Variants in CSMD1 observed in about 807,000 individuals in gnomAD.
CSMD1 encodes CUB and sushi domain-containing protein 1.
Under a neutral mutation model 417.5 loss-of-function variants are expected in CSMD1, and 213 were observed. The ratio of observed to expected loss-of-function variants is 0.51; its 90% CI spans 0.46 to 0.57. The LOEUF (loss-of-function observed/expected upper bound fraction) is 0.57. Among genes scored for constraint, CSMD1 ranks in the 20% least tolerant of loss-of-function variants. The probability of loss-of-function intolerance (pLI) is 0.00; values close to 1 mark genes in which losing one functional copy is unlikely to be tolerated. For synonymous variants in CSMD1, 2,862 were observed against 1,736.8 expected, an observed-to-expected ratio of 1.65 and a Z score of -16.11; for missense variants, 6,923 against 4,529.7, an observed-to-expected ratio of 1.53 and a Z score of -15.17.
chr8:4,569,990 T>C (rs751699731), intron 2 of CSMD1, among the ~76,000 whole-genome samples: 1 of 152,212 alleles, frequency 6.6e-6, no homozygotes, highest in Non-Finnish European at 1.5e-5. Flanking sequence ...ATTGATTTTG[T>C]ATCCTGAGAC....
At chr8:3,401,723 A>T (rs1243535981) in intron 15 of CSMD1, among the ~76,000 whole-genome samples, 1 of 151,696 alleles carries the variant, frequency 6.6e-6, no homozygotes. Flanking sequence ...TAGGAAAGCA[A>T]TCAAAGACGC....
intron 1 of CSMD1, among the ~76,000 whole-genome samples, chr8:4,942,671 C>T (rs1808088978): frequency 6.6e-6 from 1 of 152,180 alleles, no homozygotes; most frequent in African/African-American, 2.4e-5. Flanking sequence ...ATGTGAGTCA[C>T]CGCATATCAC....
chr8:4,013,598 G>C (rs1479299489), intron 4 of CSMD1, among the ~76,000 whole-genome samples: 1 of 152,110 alleles, frequency 6.6e-6, no homozygotes, highest in African/African-American at 2.4e-5. Context: ...GGACAGCAAA[G>C]TTTATCTGTT....
intron 18 of CSMD1, chr8:3,375,082 G>C: frequency 6.6e-6 from 1 of 152,130 alleles, no homozygotes; most frequent in Non-Finnish European, 1.5e-5. Flanking sequence ...TCACCTCCAC[G>C]GTGCCCAACT....
At chr8:3,945,656 A>G (rs1811176615) in intron 5 of CSMD1, among the ~76,000 whole-genome samples, 1 of 152,106 alleles carries the variant, frequency 6.6e-6, no homozygotes, top group African/African-American at 2.4e-5. Context: ...CTGATGTATT[A>G]TTTTACTTAG....
At chr8:4,653,373 A>C (rs1279672064) in intron 1 of CSMD1, among the ~76,000 whole-genome samples, 1 of 152,102 alleles carries the variant, frequency 6.6e-6, no homozygotes, top group Admixed American at 6.5e-5. Context: ...GTGCTGCAGT[A>C]GAAACATTTT....
At chr8:4,698,516 G>T (rs1563165891) in intron 1 of CSMD1, among the ~76,000 whole-genome samples, 1 of 151,958 alleles carries the variant, frequency 6.6e-6, no homozygotes, top group Non-Finnish European at 1.5e-5. Context: ...TAGGCCTAAA[G>T]AAGTCCACCT....
In CSMD1 at chr8:4,140,859, G is replaced by A. The variant is rs904951299; in HGVS notation, c.416-108760C>T. Among the ~76,000 whole-genome samples the A allele has an allele frequency of 4.0e-5, 6 of 150,972 alleles. 1 individual carries two copies. Among genetic ancestry groups the A allele is most frequent in the African/African-American group, 1.5e-4 (6 of 40,318 alleles). On this transcript the variant is annotated intron_variant, in intron 3 of 69. Transcript: ENST00000635120. Reference sequence around the variant, plus strand: ...GGTTTCAAATCAAATCTCTGCCCAAGAGGGCATTTGGGAGATTGCTGATCG... The same window carrying A: ...GGTTTCAAATCAAATCTCTGCCCAAAAGGGCATTTGGGAGATTGCTGATCG...
At position 3,184,311 on chromosome 8, in the gene CSMD1, AC is replaced by A. The variant is rs1821613407; in HGVS notation, c.5621-3098del. On this transcript the variant is annotated intron_variant, in intron 36 of 69. Coordinates refer to ENST00000635120, the MANE Select transcript of CSMD1 (RefSeq NM_033225.6). ...CATGAGTTTATCAGCCAGATAAACT[AC>A]TAACTCATTTTCCAAACATACTAGT... Among the ~76,000 whole-genome samples, 2 of 152,222 alleles carry A rather than the reference AC, an allele frequency of 1.3e-5. 1 individual carries two copies. The highest frequency in any genetic ancestry group is 2.9e-5 in the Non-Finnish European group (2 of 68,034).
At chr8:3,974,420 C>A (rs912028152) in intron 5 of CSMD1, among the ~76,000 whole-genome samples, 9 of 151,656 alleles carry the variant, frequency 5.9e-5, no homozygotes, top group Non-Finnish European at 8.8e-5. Context: ...TCACTTCGAC[C>A]AGGATATTCA....
chr8:3,764,166 C>T (rs1284002366), intron 5 of CSMD1, among the ~76,000 whole-genome samples: 1 of 152,112 alleles, frequency 6.6e-6, no homozygotes, highest in African/African-American at 2.4e-5. Context: ...TCCAGGGACC[C>T]CTCCTCCATT....
chr8:3,521,590 C>T (rs1180075350), intron 10 of CSMD1, among the ~76,000 whole-genome samples: 1 of 152,106 alleles, frequency 6.6e-6, no homozygotes, highest in East Asian at 1.9e-4. Flanking sequence ...CATCATTGCT[C>T]CTTCTTGGTG....
At chr8:3,568,514 A>G (rs1050204736) in intron 10 of CSMD1, among the ~76,000 whole-genome samples, 2 of 152,224 alleles carry the variant, frequency 1.3e-5, no homozygotes, top group African/African-American at 2.4e-5. Context: ...AATAGCAACA[A>G]AAGTATTGCA....
At chr8:3,723,833 G>A (rs1258694752) in intron 6 of CSMD1, among the ~76,000 whole-genome samples, 6 of 152,184 alleles carry the variant, frequency 3.9e-5, no homozygotes, top group Non-Finnish European at 5.9e-5. Context: ...AATCACGGAT[G>A]AGTAAAAATT....
chr8:3,789,370 T>C (rs894402020), intron 5 of CSMD1, among the ~76,000 whole-genome samples: 1 of 147,340 alleles, frequency 6.8e-6, no homozygotes, highest in Non-Finnish European at 1.5e-5. Context: ...GTATTGCTAG[T>C]GTTTTTTTTT....
At chr8:4,971,138 G>C (rs1009287470) in intron 1 of CSMD1, among the ~76,000 whole-genome samples, 1 of 151,676 alleles carries the variant, frequency 6.6e-6, no homozygotes, top group Non-Finnish European at 1.5e-5. Context: ...CTGAACCCTG[G>C]GGTCCCTTCC....
chr8:3,507,004 C>T (rs1373494274), intron 10 of CSMD1, among the ~76,000 whole-genome samples: 2 of 152,122 alleles, frequency 1.3e-5, no homozygotes, highest in African/African-American at 4.8e-5. Flanking sequence ...TATACATTTT[C>T]ATACAAGATG....
intron 25 of CSMD1, among the ~76,000 whole-genome samples, chr8:3,290,251 C>T (rs902943312): frequency 3.4e-5 from 5 of 147,240 alleles, no homozygotes; most frequent in Non-Finnish European, 7.4e-5. Flanking sequence ...AGTATGAAGT[C>T]AGGTAGCGTG....
intron 5 of CSMD1, among the ~76,000 whole-genome samples, chr8:3,919,836 G>C (rs553583244): frequency 6.6e-6 from 1 of 152,080 alleles, no homozygotes; most frequent in African/African-American, 2.4e-5. Context: ...TCAGTGTACA[G>C]ATCATTCACC....
Sources: gnomAD v4.1 joint callset for allele counts (sites outside exome capture counted in the v4.1 genomes callset) on GRCh38, gnomAD v4.1.1 for gene constraint, MANE v1.5 for transcripts, NCBI Gene and HGNC (gene_info 2026-07-23, HGNC 2026-07-21) for gene names.